AGBL1: variants seen among roughly 807,000 people sequenced by gnomAD.
AGBL1 encodes the protein cytosolic carboxypeptidase 4.
A neutral mutation model predicts 118.9 loss-of-function variants in AGBL1; 130 were observed. The observed-to-expected ratio is 1.09, with a 90% CI of 0.95 to 1.26. The LOEUF (loss-of-function observed/expected upper bound fraction) is 1.26. Ranked by LOEUF, AGBL1 falls within the 50% of genes most tolerant of loss-of-function variation. AGBL1 has a pLI of 0.00. For missense variants in AGBL1, 1,584 were observed against 1,298.1 expected, an observed-to-expected ratio of 1.22 and a Z score of -3.38; for synonymous variants, 555 against 478.9, an observed-to-expected ratio of 1.16 and a Z score of -2.08.
intron 21 of AGBL1, among the ~76,000 whole-genome samples, chr15:86,655,586 A>G (rs1418932508): frequency 1.3e-5 from 2 of 152,136 alleles, no homozygotes; most frequent in Non-Finnish European, 2.9e-5. Flanking sequence ...TCGTACCTCT[A>G]GGAAAGGACT....
chr15:86,421,320 G>C, intron 18 of AGBL1, among the ~76,000 whole-genome samples: 1 of 151,504 alleles, frequency 6.6e-6, no homozygotes, highest in Admixed American at 6.6e-5. Flanking sequence ...CATTCTTAAA[G>C]AAAAAAAACT....
intron 24 of AGBL1, among the ~76,000 whole-genome samples, chr15:87,013,683 G>T (rs1426490442): frequency 6.6e-6 from 1 of 152,102 alleles, no homozygotes; most frequent in Non-Finnish European, 1.5e-5. Flanking sequence ...CTCATTTTAG[G>T]CATGCTGTCT....
At chr15:86,428,941 C>G (rs1218113121) in intron 18 of AGBL1, among the ~76,000 whole-genome samples, 1 of 152,184 alleles carries the variant, frequency 6.6e-6, no homozygotes, top group Non-Finnish European at 1.5e-5. Flanking sequence ...CATGGTGTGT[C>G]CCTGACGAGG....
chr15:86,366,958 C>T (rs77529596), intron 17 of AGBL1, among the ~76,000 whole-genome samples: 6,471 of 152,248 alleles, frequency 0.043, 283 homozygotes, highest in East Asian at 0.21. Context: ...AGAAATATGT[C>T]TCATATTCAG....
In AGBL1 at chr15:86,080,257, A is replaced by T. The variant is rs1371703334; in HGVS notation, c.51+234A>T. On this transcript the variant is annotated intron_variant, in intron 1 of 22. Transcript: ENST00000614907. Reference sequence around the variant, plus strand: ...TGCTTAAATTATTGATCCTCGTGGGATCAGAGGCTCTGGGTAAAAGATCCG... The same window carrying T: ...TGCTTAAATTATTGATCCTCGTGGGTTCAGAGGCTCTGGGTAAAAGATCCG... 5 of 368,440 alleles carry T rather than the reference A, an allele frequency of 1.4e-5. No homozygotes were observed. In the East Asian group the frequency reaches 1.6e-4, roughly 11 times the overall value. 22.8% of individuals were successfully genotyped at this position (368,440 alleles called of 1,614,324 possible). A position where few individuals can be genotyped will look rare whatever the true frequency, so the allele number is the denominator to read the frequency against.
intron 22 of AGBL1, among the ~76,000 whole-genome samples, chr15:86,690,936 G>A (rs1355812306): frequency 6.6e-6 from 1 of 152,036 alleles, no homozygotes; most frequent in Non-Finnish European, 1.5e-5. Flanking sequence ...GTTCATAATT[G>A]TATTATTAAT....
At position 86,914,421 on chromosome 15, in the gene AGBL1, A is replaced by G. The variant is rs1308346598; in HGVS notation, c.*7127A>G. The G allele has an allele frequency of 6.6e-6, 1 of 152,212 alleles. No individual in the cohort carries two copies. The highest frequency in any genetic ancestry group is 1.5e-5 in the Non-Finnish European group (1 of 68,034). 9.4% of individuals were successfully genotyped at this position (152,212 alleles called of 1,614,324 possible). ...TTAAAAATGAAGTGCACCCATACTT[A>G]AAGAGACACGTTTAGTAAATGATAG... On this transcript the variant is annotated 3_prime_UTR_variant, in exon 23 of 23. Coordinates refer to ENST00000614907, the MANE Select transcript of AGBL1 (RefSeq NM_001386094.1).
At chr15:86,765,693 C>A (rs539188696) in intron 22 of AGBL1, among the ~76,000 whole-genome samples, 2 of 151,810 alleles carry the variant, frequency 1.3e-5, no homozygotes, top group Non-Finnish European at 2.9e-5. Context: ...GACTAGACTT[C>A]GGCTTTTTTT....
At chr15:86,350,308 C>T (rs763906912) in intron 17 of AGBL1, among the ~76,000 whole-genome samples, 21 of 152,222 alleles carry the variant, frequency 1.4e-4, no homozygotes, top group African/African-American at 4.6e-4. Context: ...TCAGTATTGA[C>T]AGACTCTGAT....
chr15:86,677,361 T>C (rs2085866723), intron 22 of AGBL1, among the ~76,000 whole-genome samples: 1 of 152,176 alleles, frequency 6.6e-6, no homozygotes, highest in African/African-American at 2.4e-5. Context: ...CAGAAATGTC[T>C]GCATACTCAC....
At chr15:86,720,931 C>A (rs1386716515) in intron 22 of AGBL1, among the ~76,000 whole-genome samples, 1 of 152,134 alleles carries the variant, frequency 6.6e-6, no homozygotes, top group Non-Finnish European at 1.5e-5. Context: ...CACATACACC[C>A]TCCCAAGACT....
At chr15:86,652,882 T>G (rs1322800225) in intron 21 of AGBL1, among the ~76,000 whole-genome samples, 1 of 152,124 alleles carries the variant, frequency 6.6e-6, no homozygotes, top group Non-Finnish European at 1.5e-5. Context: ...TTTTGGGTTG[T>G]CCTAACTAGG....
chr15:86,235,105 A>G (rs982095452), intron 6 of AGBL1, among the ~76,000 whole-genome samples: 1 of 152,222 alleles, frequency 6.6e-6, no homozygotes, highest in Admixed American at 6.5e-5. Context: ...AAAGAAGTGA[A>G]AAACTTCATG....
At chr15:87,013,850 C>G (rs959421494) in intron 24 of AGBL1, among the ~76,000 whole-genome samples, 3 of 152,084 alleles carry the variant, frequency 2.0e-5, no homozygotes. Flanking sequence ...TATTCCAGAG[C>G]AGCATGGGGT....
chr15:86,153,562 G>C (rs562056819), intron 3 of AGBL1, among the ~76,000 whole-genome samples: 36 of 152,280 alleles, frequency 2.4e-4, no homozygotes, highest in Non-Finnish European at 4.0e-4. Flanking sequence ...TAATGTAAAT[G>C]ACGGGTTGAT....
At chr15:86,836,269 A>G (rs771066920) in intron 22 of AGBL1, among the ~76,000 whole-genome samples, 6 of 152,198 alleles carry the variant, frequency 3.9e-5, no homozygotes, top group Non-Finnish European at 7.3e-5. Flanking sequence ...CTGAAAATAG[A>G]ACCTGATGAA....
At chr15:86,605,417 T>G (rs1472686886) in intron 21 of AGBL1, among the ~76,000 whole-genome samples, 1 of 152,200 alleles carries the variant, frequency 6.6e-6, no homozygotes, top group Non-Finnish European at 1.5e-5. Context: ...CTTTGTGGAT[T>G]TATTGCACAA....
intron 22 of AGBL1, among the ~76,000 whole-genome samples, chr15:86,721,140 C>A (rs1400218488): frequency 6.6e-6 from 1 of 152,302 alleles, no homozygotes; most frequent in East Asian, 1.9e-4. Flanking sequence ...TCCTCCCTAA[C>A]TCATTTAATG....
At chr15:86,783,388 C>T (rs2078361267) in intron 22 of AGBL1, among the ~76,000 whole-genome samples, 1 of 152,190 alleles carries the variant, frequency 6.6e-6, no homozygotes, top group South Asian at 2.1e-4. Context: ...TTGTTTAAAG[C>T]AAACTTTTTC....
Sources: gnomAD v4.1 joint callset for allele counts (sites outside exome capture counted in the v4.1 genomes callset) on GRCh38, gnomAD v4.1.1 for gene constraint, MANE v1.5 for transcripts, NCBI Gene and HGNC (gene_info 2026-07-23, HGNC 2026-07-21) for gene names.